The following ETV7 variants were observed in gnomAD, a reference collection of about 807,000 sequenced individuals.
The protein encoded by ETV7 is ETS variant transcription factor 7.
A neutral mutation model predicts 39.1 loss-of-function variants in ETV7; 43 were observed. That is an observed-to-expected ratio of 1.10 (90% CI 0.86 to 1.42). The LOEUF is 1.42. ETV7 is among the 40% of genes most tolerant of loss of function. The probability of loss-of-function intolerance (pLI) is 0.00; values close to 1 mark genes in which losing one functional copy is unlikely to be tolerated. For synonymous variants in ETV7, 196 were observed against 176.6 expected (o/e 1.11, Z -0.87); for missense variants, 432 against 442.3 (o/e 0.98, Z 0.21).
chr6:36,374,697 C>A (rs1773219910), intron 3 of ETV7, among the ~76,000 whole-genome samples: 1 of 152,198 alleles, frequency 6.6e-6, no homozygotes, highest in Non-Finnish European at 1.5e-5. Flanking sequence ...CCCACTAGAG[C>A]TCTTGAATCC....
At chr6:36,363,946 C>G (rs1042770540), downstream of ETV7, among the ~76,000 whole-genome samples, 1 of 149,394 alleles carries the variant, frequency 6.7e-6, no homozygotes, top group African/African-American at 2.5e-5. Flanking sequence ...TATTTACAAT[C>G]CCTGAGCTAG....
chr6:36,379,457 G>C (rs1773538523), intron 2 of ETV7, among the ~76,000 whole-genome samples: 1 of 151,994 alleles, frequency 6.6e-6, no homozygotes. Context: ...AGGCTGAGGA[G>C]GGAGGGATTG....
At chr6:36,365,580 T>C (rs1772682805), downstream of ETV7, among the ~76,000 whole-genome samples, 1 of 151,964 alleles carries the variant, frequency 6.6e-6, no homozygotes, top group Non-Finnish European at 1.5e-5. Context: ...CGGGGGCCAG[T>C]CTTCACTGGG....
At chr6:36,361,230 C>T (rs1772480344), downstream of ETV7, among the ~76,000 whole-genome samples, 1 of 152,212 alleles carries the variant, frequency 6.6e-6, no homozygotes, top group Admixed American at 6.5e-5. Context: ...TAGTTCCCAC[C>T]GAGGTCCTTT....
Position 36,371,432 on chromosome 6 carries a change from C to A in ETV7, c.562G>T (p.Glu188Ter). The change falls in exon 5 of 8, where the codon GAG (glutamate) becomes TAG (stop). Residue 188 changes from glutamate to a stop codon, truncating the protein, a stop_gained. Transcript: ENST00000340181. LOFTEE classifies it high-confidence loss of function. ...GCACAGTGACATAAGTTGAGGGACT[C>A]CTCCTTGCCAGGGGTCCACCTTGCC... Reference protein sequence around the residue: ...GLARWTPGKEESLNLCHCAEL... With the variant: ...GLARWTPGKE 6.2e-7 allele frequency: 1 copy of A among 1,601,422 alleles called. No individual in the cohort carries two copies. Among genetic ancestry groups the A allele is most frequent in the African/African-American group, 1.3e-5 (1 of 74,946 alleles).
chr6:36,381,984 T>C (rs1306197532), intron 2 of ETV7, among the ~76,000 whole-genome samples: 1 of 152,214 alleles, frequency 6.6e-6, no homozygotes, highest in Non-Finnish European at 1.5e-5. Context: ...CACCGCCACA[T>C]TCCTTTTCAT....
At chr6:36,364,649 T>A (rs1053296349), downstream of ETV7, among the ~76,000 whole-genome samples, 1 of 152,240 alleles carries the variant, frequency 6.6e-6, no homozygotes, top group Non-Finnish European at 1.5e-5. Context: ...GAGCCGGCTC[T>A]GGCCTTGGCC....
intron 7 of ETV7, chr6:36,354,720 G>C (rs758164782): frequency 1.4e-6 from 1 of 694,982 alleles, no homozygotes; most frequent in South Asian, 1.5e-5. Flanking sequence ...TTGGAATTTT[G>C]ATAGGGATTG....
At chr6:36,385,765 G>A (rs1773870340) in intron 1 of ETV7, 96 bp from the exon 2 acceptor site, 1 of 1,342,098 alleles carries the variant, frequency 7.5e-7, no homozygotes, top group East Asian at 2.3e-5. Flanking sequence ...AAGGGAAAGA[G>A]TGTTTATCTC....
At chr6:36,355,472 C>A (rs180981000) in intron 7 of ETV7, among the ~76,000 whole-genome samples, 14 of 152,110 alleles carry the variant, frequency 9.2e-5, no homozygotes, top group African/African-American at 4.8e-5. Flanking sequence ...CTCCAACCTC[C>A]AACTCTCCGC....
At chr6:36,375,846 A>G (rs1286527701) in intron 3 of ETV7, 25 bp downstream of exon 3, 2 of 1,613,702 alleles carry the variant, frequency 1.2e-6, no homozygotes, top group Non-Finnish European at 1.7e-6. Flanking sequence ...TCCCGCTTAG[A>G]GGAAAGCCTG....
intron 7 of ETV7, among the ~76,000 whole-genome samples, chr6:36,360,233 G>A (rs76318524): frequency 0.039 from 6,009 of 152,210 alleles, 272 homozygotes; most frequent in East Asian, 0.18. Flanking sequence ...GTAGGGTGAG[G>A]GTAGAGAGGC....
chr6:36,370,462 G>C (rs1267374631), intron 5 of ETV7, among the ~76,000 whole-genome samples: 2 of 152,096 alleles, frequency 1.3e-5, no homozygotes, highest in Non-Finnish European at 2.9e-5. Flanking sequence ...TTGAACCCGG[G>C]AGGCAGAGGA....
At chr6:36,377,002 G>A (rs1259683659) in intron 2 of ETV7, among the ~76,000 whole-genome samples, 1 of 152,164 alleles carries the variant, frequency 6.6e-6, no homozygotes, top group Non-Finnish European at 1.5e-5. Context: ...TTCAGTGCAT[G>A]TGTTTTTATT....
At chr6:36,359,198 C>G (rs1057121309) in intron 7 of ETV7, among the ~76,000 whole-genome samples, 1 of 152,186 alleles carries the variant, frequency 6.6e-6, no homozygotes, top group Non-Finnish European at 1.5e-5. Context: ...CACCTATAAT[C>G]CCAGCACTTT....
chr6:36,371,644 C>T (rs1273280883), intron 4 of ETV7, 84 bp from the exon 5 acceptor site: 1 of 1,230,870 alleles, frequency 8.1e-7, no homozygotes. Context: ...GCCTGGGAGC[C>T]CTGTGGGGCA....
At chr6:36,367,553 T>A (rs1772793536) in intron 6 of ETV7, among the ~76,000 whole-genome samples, 1 of 152,194 alleles carries the variant, frequency 6.6e-6, no homozygotes, top group Non-Finnish European at 1.5e-5. Flanking sequence ...GGGAGTGAAC[T>A]GCATGTTACT....
downstream of ETV7, chr6:36,366,084 G>T: frequency 1.6e-6 from 1 of 617,256 alleles, no homozygotes; most frequent in African/African-American, 2.0e-5. Context: ...TGAGGCACGA[G>T]AATCTCTTGA....
Position 36,387,625 on chromosome 6 carries a change from C to G in ETV7, c.-84G>C. ...CTGCTGGGGCCCTAGGCCCGCGCCCCGCAGTCCTCCTCCGCCAAACCCCTA... is the reference window on the plus strand; with the variant it reads ...CTGCTGGGGCCCTAGGCCCGCGCCCGGCAGTCCTCCTCCGCCAAACCCCTA... On this transcript the variant is annotated 5_prime_UTR_variant, in exon 1 of 8. Coordinates refer to ENST00000340181, the MANE Select transcript of ETV7 (RefSeq NM_016135.4). 6.6e-7 allele frequency: 1 copy of G among 1,505,052 alleles called. No individual in the cohort carries two copies. The highest frequency in any genetic ancestry group is 9.2e-7 in the Non-Finnish European group (1 of 1,088,538). The allele number at this position is 1,505,052 out of a possible 1,614,324, so 93.2% of individuals were successfully genotyped here. A position where few individuals can be genotyped will look rare whatever the true frequency, so the allele number is the denominator to read the frequency against.
Sources: gnomAD v4.1 joint callset for allele counts (sites outside exome capture counted in the v4.1 genomes callset) on GRCh38, gnomAD v4.1.1 for gene constraint, MANE v1.5 for transcripts, NCBI Gene and HGNC (gene_info 2026-07-23, HGNC 2026-07-21) for gene names.